The following CADM1 variants were observed in gnomAD, a reference collection of about 807,000 sequenced individuals.
The protein encoded by CADM1 is cell adhesion molecule 1, also known as TSLC-1.
In CADM1, 15 loss-of-function variants were observed where a neutral mutation model predicts 53.1. That is an observed-to-expected ratio of 0.28 (90% CI 0.19 to 0.44). The LOEUF (loss-of-function observed/expected upper bound fraction) is 0.44. Ranked by LOEUF, CADM1 falls within the 20% of genes least tolerant of loss-of-function variation. The probability of loss-of-function intolerance (pLI) is 1.00; values close to 1 mark genes in which losing one functional copy is unlikely to be tolerated. For synonymous variants in CADM1, 281 were observed against 243.0 expected (o/e 1.16, Z -1.45); for missense variants, 434 against 611.3 (o/e 0.71, Z 3.06).
Position 115,175,180 on chromosome 11 carries a change from C to A in CADM1, c.*1294G>T, listed in dbSNP as rs1045678489. 105 of 985,664 alleles carry A rather than the reference C, an allele frequency of 1.1e-4. No individual in the cohort carries two copies. The highest frequency in any genetic ancestry group is 1.2e-4 in the Non-Finnish European group (103 of 829,914). 61.1% of individuals were successfully genotyped at this position (985,664 alleles called of 1,614,324 possible). On this transcript the variant is annotated 3_prime_UTR_variant, in exon 12 of 12. Transcript: ENST00000331581. The stretch of plus-strand genomic sequence containing the variant: ...TTTTTCCACCTCTGCTCTGACCTAT[C>A]GAGAACTGAGAGCGACAGCAGACCA...
At chr11:115,419,256 T>C (rs1329018017) in intron 1 of CADM1, among the ~76,000 whole-genome samples, 3 of 152,186 alleles carry the variant, frequency 2.0e-5, no homozygotes, top group Non-Finnish European at 4.4e-5. Flanking sequence ...ACCATTTGCT[T>C]CTAATAGACT....
At chr11:115,200,582 G>C (rs1006362767) in intron 8 of CADM1, among the ~76,000 whole-genome samples, 1 of 152,060 alleles carries the variant, frequency 6.6e-6, no homozygotes, top group South Asian at 2.1e-4. Flanking sequence ...CGCAACCTCT[G>C]GTTCCTGCAT....
chr11:115,294,996 G>A (rs1012231100), intron 1 of CADM1, among the ~76,000 whole-genome samples: 47 of 152,066 alleles, frequency 3.1e-4, no homozygotes, highest in African/African-American at 4.8e-5. Context: ...CCGAGATCAC[G>A]CCACTGCACT....
intron 1 of CADM1, among the ~76,000 whole-genome samples, chr11:115,379,844 T>A (rs1946530640): frequency 6.6e-6 from 1 of 152,202 alleles, no homozygotes; most frequent in Admixed American, 6.5e-5. Flanking sequence ...ATATCAGTCA[T>A]CTTGGTATGT....
chr11:115,371,732 G>A (rs1312197767), intron 1 of CADM1, among the ~76,000 whole-genome samples: 1 of 148,086 alleles, frequency 6.8e-6, no homozygotes, highest in African/African-American at 2.5e-5. Flanking sequence ...TCTGCCTCCC[G>A]AGTTCACGTC....
rs1230723728 is a variant in CADM1, at chr11:115,181,268, TTAA to T, written c.1166-2496_1166-2494del. Reference sequence around the variant, plus strand: ...TCACGAGGTATATGTATCTGTGAGATTAATTTCTTGAGCCGAAACTCCTTACTT... The same window carrying T: ...TCACGAGGTATATGTATCTGTGAGATTTTCTTGAGCCGAAACTCCTTACTT... On this transcript the variant is annotated intron_variant, in intron 10 of 11. Coordinates refer to ENST00000331581, the MANE Select transcript of CADM1 (RefSeq NM_001301043.2). Among the ~76,000 whole-genome samples, 4 of 152,244 alleles carry T rather than the reference TTAA, an allele frequency of 2.6e-5. No homozygotes were observed. The East Asian group carries it at 7.7e-4, about 29-fold the overall frequency.
intron 5 of CADM1, among the ~76,000 whole-genome samples, chr11:115,227,901 A>G (rs764809458): frequency 6.6e-6 from 1 of 152,220 alleles, no homozygotes; most frequent in Non-Finnish European, 1.5e-5. Flanking sequence ...AGATAAGTCC[A>G]TGTTCTAACC....
intron 1 of CADM1, among the ~76,000 whole-genome samples, chr11:115,330,940 GA>G (rs973130674): frequency 2.6e-5 from 4 of 152,260 alleles, no homozygotes; most frequent in Admixed American, 2.6e-4. Context: ...CACTGGACAT[GA>G]ACAAAAGGGT....
At chr11:115,408,543 C>A (rs1248252209) in intron 1 of CADM1, among the ~76,000 whole-genome samples, 1 of 152,208 alleles carries the variant, frequency 6.6e-6, no homozygotes, top group Non-Finnish European at 1.5e-5. Flanking sequence ...CCTAAAATCA[C>A]ATGACATAGG....
intron 9 of CADM1, among the ~76,000 whole-genome samples, chr11:115,196,388 G>C (rs1940146029): frequency 6.6e-6 from 1 of 151,966 alleles, no homozygotes; most frequent in Non-Finnish European, 1.5e-5. Context: ...CTAAGAACAT[G>C]AATTTTATTG....
chr11:115,482,351 A>T (rs1457975985), intron 1 of CADM1, among the ~76,000 whole-genome samples: 1 of 152,208 alleles, frequency 6.6e-6, no homozygotes, highest in African/African-American at 2.4e-5. Context: ...CTAAAATATA[A>T]GTTCCTTGAT....
chr11:115,258,416 TCACAAAC>T (rs1335013320), intron 1 of CADM1, among the ~76,000 whole-genome samples: 1 of 152,156 alleles, frequency 6.6e-6, no homozygotes, highest in Non-Finnish European at 1.5e-5. Flanking sequence ...TTCTTATCTG[TCACAAAC>T]CACAAGAAAA....
At chr11:115,252,390 T>C (rs1942634071) in intron 1 of CADM1, among the ~76,000 whole-genome samples, 1 of 152,214 alleles carries the variant, frequency 6.6e-6, no homozygotes, top group Non-Finnish European at 1.5e-5. Context: ...CTTCTTATGA[T>C]CTTCCATAAT....
At chr11:115,232,231 A>C (rs1388451432) in intron 3 of CADM1, among the ~76,000 whole-genome samples, 1 of 152,208 alleles carries the variant, frequency 6.6e-6, no homozygotes, top group Non-Finnish European at 1.5e-5. Flanking sequence ...GAAAGATTCC[A>C]AAGTCAACGG....
chr11:115,188,076 C>G (rs759049762), intron 10 of CADM1, among the ~76,000 whole-genome samples: 6 of 152,144 alleles, frequency 3.9e-5, no homozygotes, highest in Admixed American at 2.6e-4. Flanking sequence ...TGTATATTTA[C>G]CACCTCACTC....
chr11:115,336,314 T>G (rs1276407688), intron 1 of CADM1, among the ~76,000 whole-genome samples: 1 of 152,144 alleles, frequency 6.6e-6, no homozygotes, highest in African/African-American at 2.4e-5. Context: ...TACGTCTTAG[T>G]ATTATGAGAA....
In CADM1 at chr11:115,174,069, A is replaced by AT. The variant is rs1364472659; in HGVS notation, c.*2404dup. 2.5e-5 allele frequency: 25 copies of AT among 981,016 alleles called. No homozygotes were observed. Among genetic ancestry groups the AT allele is most frequent in the Non-Finnish European group, 2.8e-5 (23 of 826,066 alleles). The allele number at this position is 981,016 out of a possible 1,614,324, so 60.8% of individuals were successfully genotyped here. ...CCTGTTTTTGCTTTGTTTTATTATT[A>AT]TTTTTTCCAATGTGTGGGGCCTACA... On this transcript the variant is annotated 3_prime_UTR_variant, in exon 12 of 12. Transcript: ENST00000331581.
intron 1 of CADM1, among the ~76,000 whole-genome samples, chr11:115,489,999 C>T (rs139900651): frequency 2.0e-5 from 3 of 152,188 alleles, no homozygotes; most frequent in Admixed American, 6.5e-5. Flanking sequence ...GGAGAGCCGG[C>T]GAGGCCAAGC....
At chr11:115,488,792 G>A (rs1031063991) in intron 1 of CADM1, among the ~76,000 whole-genome samples, 5 of 152,238 alleles carry the variant, frequency 3.3e-5, no homozygotes, top group South Asian at 2.1e-4. Context: ...TGGAAGCATC[G>A]CCACAAAACA....
Sources: gnomAD v4.1 joint callset for allele counts (sites outside exome capture counted in the v4.1 genomes callset) on GRCh38, gnomAD v4.1.1 for gene constraint, MANE v1.5 for transcripts, NCBI Gene and HGNC (gene_info 2026-07-23, HGNC 2026-07-21) for gene names.